The following ZHX3 variants were observed in gnomAD, a reference collection of about 807,000 sequenced individuals.
ZHX3 encodes the protein zinc fingers and homeoboxes 3.
ZHX3 carries 20 observed loss-of-function variants against 64.5 expected under a neutral mutation model. The ratio of observed to expected loss-of-function variants is 0.31; its 90% CI spans 0.22 to 0.45. The LOEUF (loss-of-function observed/expected upper bound fraction) is 0.45. Among genes scored for constraint, ZHX3 ranks in the 20% least tolerant of loss-of-function variants. The probability of loss-of-function intolerance (pLI) is 1.00; values close to 1 mark genes in which losing one functional copy is unlikely to be tolerated. For synonymous variants in ZHX3, 423 were observed against 461.6 expected (o/e 0.92, Z 1.07); for missense variants, 1,041 against 1,195.8 (o/e 0.87, Z 1.91).
intron 2 of ZHX3, among the ~76,000 whole-genome samples, chr20:41,218,364 A>G (rs1319805451): frequency 6.6e-6 from 1 of 152,076 alleles, no homozygotes; most frequent in Non-Finnish European, 1.5e-5. Flanking sequence ...TGACTGCTTA[A>G]GCCTGGGAGG....
At chr20:41,223,261 A>C (rs1485783770) in intron 2 of ZHX3, among the ~76,000 whole-genome samples, 1 of 152,222 alleles carries the variant, frequency 6.6e-6, no homozygotes, top group Non-Finnish European at 1.5e-5. Context: ...ATTTAACAAG[A>C]ACAAAATTAT....
intron 1 of ZHX3, among the ~76,000 whole-genome samples, chr20:41,311,112 C>G (rs2045122296): frequency 6.6e-6 from 1 of 152,028 alleles, no homozygotes; most frequent in African/African-American, 2.4e-5. Flanking sequence ...CCGGCCAATT[C>G]TCTGATAATT....
In ZHX3 at chr20:41,183,139, T is replaced by C. The variant is rs1600690420; in HGVS notation, c.*2052A>G. On this transcript the variant is annotated 3_prime_UTR_variant, in exon 4 of 4. Transcript: ENST00000683867. The surrounding 1 kb of genome is among the most constrained non-coding windows in gnomAD (Gnocchi z 5.3). ...CTCAACTGCACACGCCAGATGCGCGTTTTACGAGAATCAAATGAGTATTTA... is the reference window on the plus strand; with the variant it reads ...CTCAACTGCACACGCCAGATGCGCGCTTTACGAGAATCAAATGAGTATTTA... 6.6e-6 allele frequency: 1 copy of C among 152,310 alleles called. No individual in the cohort carries two copies. Among genetic ancestry groups the C allele is most frequent in the Non-Finnish European group, 1.5e-5 (1 of 68,042 alleles). 9.4% of individuals were successfully genotyped at this position (152,310 alleles called of 1,614,324 possible).
rs11478074 is a variant in ZHX3, at chr20:41,298,075, C to CT, written c.-245+19433dup. Among the ~76,000 whole-genome samples the CT allele has an allele frequency of 1.1e-3, 161 of 148,398 alleles. 1 individual carries two copies. Among genetic ancestry groups the CT allele is most frequent in the Middle Eastern group, 7.0e-3 (2 of 286 alleles). ...GTGAGTTAAAAAGAGTCATCCAATT[C>CT]TTTTTTTTTTTATTTATATTTTAAG... On this transcript the variant is annotated intron_variant, in intron 1 of 3. Transcript: ENST00000683867.
intron 1 of ZHX3, chr20:41,317,253 T>C (rs1489194201): frequency 6.7e-6 from 1 of 148,490 alleles, no homozygotes; most frequent in African/African-American, 2.5e-5. Flanking sequence ...GCCCGGGGGG[T>C]GATGACAGAT....
At chr20:41,242,511 G>A (rs1260926430) in intron 2 of ZHX3, among the ~76,000 whole-genome samples, 1 of 152,184 alleles carries the variant, frequency 6.6e-6, no homozygotes, top group Non-Finnish European at 1.5e-5. Flanking sequence ...ATAGGGTGAG[G>A]AGGAGCCACA....
Position 41,203,710 on chromosome 20 carries a change from G to T in ZHX3, c.1207C>A (p.Gln403Lys). 1.9e-6 allele frequency: 3 copies of T among 1,614,208 alleles called. No individual in the cohort carries two copies. The highest frequency in any genetic ancestry group is 2.5e-6 in the Non-Finnish European group (3 of 1,180,020). The change falls in exon 3 of 4, where the codon CAG (glutamine) becomes AAG (lysine). Residue 403 changes from glutamine to lysine, a missense_variant. By Grantham distance (53) the Gln-to-Lys change is moderately conservative. Transcript: ENST00000683867. This position sits in a 1 kb window ranked among gnomAD's most constrained non-coding sequence, Gnocchi z 7.1. ...TPLVASAGNV[Q>K]HLIQAALPGH... ...GGAAGAGCGGCCTGGATGAGATGCT[G>T]GACATTGCCAGCACTGGCGACGAGT...
At chr20:41,273,264 T>C (rs549724668) in intron 1 of ZHX3, among the ~76,000 whole-genome samples, 12 of 152,186 alleles carry the variant, frequency 7.9e-5, no homozygotes, top group African/African-American at 2.6e-4. Flanking sequence ...TTTTTCGTTT[T>C]GTTTTGTTTG....
intron 2 of ZHX3, among the ~76,000 whole-genome samples, chr20:41,217,503 T>C (rs1163261063): frequency 6.6e-6 from 1 of 152,198 alleles, no homozygotes; most frequent in African/African-American, 2.4e-5. Context: ...ACATTCTGTT[T>C]TAAATGTTTC....
At chr20:41,299,152 GA>G (rs1277534882) in intron 1 of ZHX3, among the ~76,000 whole-genome samples, 1 of 152,192 alleles carries the variant, frequency 6.6e-6, no homozygotes, top group Non-Finnish European at 1.5e-5. Context: ...AAAACCTTCA[GA>G]GAATAATATA....
chr20:41,196,466 A>AT (rs2037612483), intron 3 of ZHX3, among the ~76,000 whole-genome samples: 2 of 43,290 alleles, frequency 4.6e-5, no homozygotes, highest in Admixed American at 4.0e-4. Context: ...ATTTATATAT[A>AT]ATATATATTT....
Position 41,202,571 on chromosome 20 carries a change from G to A in ZHX3, c.2346C>T (p.Leu782=), listed in dbSNP as rs2038323840. The A allele has an allele frequency of 6.2e-7, 1 of 1,613,968 alleles. No homozygotes were observed. Among genetic ancestry groups the A allele is most frequent in the South Asian group, 1.1e-5 (1 of 91,084 alleles). Reference sequence around the variant, plus strand: ...TGCTTGGCCACTGTGTCTGGACAAAGAGCTGCCGCAGCAAGTGCCGCTGCT... The same window carrying A: ...TGCTTGGCCACTGTGTCTGGACAAAAAGCTGCCGCAGCAAGTGCCGCTGCT... ...TAQQRHLLRQ[L]FVQTQWPSNQ... Residue 782 remains leucine, a synonymous_variant, in exon 3 of 4, where the codon CTC becomes CTT. Coordinates refer to ENST00000683867, the MANE Select transcript of ZHX3 (RefSeq NM_001384317.1). The surrounding 1 kb of genome is among the most constrained non-coding windows in gnomAD (Gnocchi z 7.0).
intron 1 of ZHX3, among the ~76,000 whole-genome samples, chr20:41,307,223 ACCT>A (rs771710338): frequency 3.9e-5 from 6 of 152,128 alleles, no homozygotes; most frequent in Middle Eastern, 6.8e-3. Flanking sequence ...GGAGCAGCTG[ACCT>A]CCTTTGGTTT....
intron 2 of ZHX3, among the ~76,000 whole-genome samples, chr20:41,221,215 G>A (rs1380506619): frequency 6.6e-6 from 1 of 152,108 alleles, no homozygotes; most frequent in Non-Finnish European, 1.5e-5. Context: ...GATGTAGTCT[G>A]AGCGTATTTA....
rs903757108 is a variant in ZHX3 at position 41,257,904 on chromosome 20, C to T, written c.-151+11086G>A. On this transcript the variant is annotated intron_variant, in intron 2 of 3. Transcript: ENST00000683867. ...GGGATTACAGGTGTTAGCCACCACGCCCAACCCTTTTTTTTTTTGAGACGG... is the reference window on the plus strand; with the variant it reads ...GGGATTACAGGTGTTAGCCACCACGTCCAACCCTTTTTTTTTTTGAGACGG... Among the ~76,000 whole-genome samples, 12 of 144,698 alleles carry T rather than the reference C, an allele frequency of 8.3e-5. 3 individuals carry two copies. Among genetic ancestry groups the T allele is most frequent in the Non-Finnish European group, 1.2e-4 (8 of 66,954 alleles). The allele number at this position is 144,698 out of a possible 152,430, so 94.9% of individuals were successfully genotyped here. A position where few individuals can be genotyped will look rare whatever the true frequency, so the allele number is the denominator to read the frequency against.
intron 1 of ZHX3, among the ~76,000 whole-genome samples, chr20:41,308,494 A>C (rs1460407132): frequency 6.6e-6 from 1 of 152,248 alleles, no homozygotes; most frequent in African/African-American, 2.4e-5. Context: ...CATAGCAACC[A>C]CTTCAACAGT....
intron 2 of ZHX3, among the ~76,000 whole-genome samples, chr20:41,246,737 G>A (rs1026844995): frequency 3.3e-5 from 5 of 151,702 alleles, no homozygotes; most frequent in Non-Finnish European, 5.9e-5. Context: ...GCCAGGCGTC[G>A]TGGCACATGC....
At chr20:41,301,526 G>A (rs776711745) in intron 1 of ZHX3, among the ~76,000 whole-genome samples, 5 of 152,068 alleles carry the variant, frequency 3.3e-5, no homozygotes, top group Non-Finnish European at 7.4e-5. Flanking sequence ...ATTAAGAACA[G>A]TCCTGCCTTA....
rs957145679 is a variant in ZHX3, at chr20:41,311,288, T to A, written c.-245+6221A>T. On this transcript the variant is annotated intron_variant, in intron 1 of 3. Transcript: ENST00000683867. ...GCTAACATTGATAGTTTTTTGTGTA[T>A]AATTCTGCTCCTCAAAAGATCCTAT... 2.0e-5 allele frequency among the ~76,000 whole-genome samples: 3 copies of A among 152,338 alleles called. No individual in the cohort carries two copies. In the South Asian group the frequency reaches 6.2e-4, roughly 32 times the overall value.
Sources: gnomAD v4.1 joint callset for allele counts (sites outside exome capture counted in the v4.1 genomes callset) on GRCh38, gnomAD v4.1.1 for gene constraint, Gnocchi (gnomAD v3.1) non-coding constraint, MANE v1.5 for transcripts, NCBI Gene and HGNC (gene_info 2026-07-23, HGNC 2026-07-21) for gene names.